The following SASH1 variants were observed in gnomAD, a reference collection of about 807,000 sequenced individuals.
SASH1 encodes SAM and SH3 domain-containing protein 1.
A neutral mutation model predicts 125.2 loss-of-function variants in SASH1; 44 were observed. The observed-to-expected ratio is 0.35, with a 90% CI of 0.28 to 0.45. The LOEUF (loss-of-function observed/expected upper bound fraction) is 0.45. SASH1 is among the 20% of genes least tolerant of loss of function. The probability of loss-of-function intolerance (pLI) is 1.00; values close to 1 mark genes in which losing one functional copy is unlikely to be tolerated. For synonymous variants in SASH1, 639 were observed against 649.1 expected (o/e 0.98, Z 0.24); for missense variants, 1,426 against 1,614.5 (o/e 0.88, Z 2.00).
At chr6:148,489,601 A>G (rs1416686196) in intron 8 of SASH1, among the ~76,000 whole-genome samples, 1 of 152,150 alleles carries the variant, frequency 6.6e-6, no homozygotes, top group Non-Finnish European at 1.5e-5. Context: ...CAATGAACAT[A>G]GGGTATCTTT....
chr6:148,359,412 C>T (rs751130551), intron 1 of SASH1, among the ~76,000 whole-genome samples: 1 of 151,330 alleles, frequency 6.6e-6, no homozygotes, highest in Non-Finnish European at 1.5e-5. Context: ...ATACCGTGCG[C>T]TCATTTTGAG....
chr6:148,449,072 TCATTTC>T (rs1562419982), intron 4 of SASH1, among the ~76,000 whole-genome samples: 124 of 120,620 alleles, frequency 1.0e-3, no homozygotes, highest in Non-Finnish European at 1.7e-3. Context: ...TAATTTCATT[TCATTTC>T]TTTTTTTTTT....
Position 148,544,828 on chromosome 6 carries a change from G to A in SASH1, c.3348+10G>A. ...GCCGTATTCTGATAAGGTATCAAAG[G>A]TCCTGGGCCCACCACGTTCACAGGC... On this transcript the variant is annotated intron_variant, in intron 18 of 19. Transcript: ENST00000367467. The surrounding 1 kb of genome is among the most constrained non-coding windows in gnomAD (Gnocchi z 6.4). The A allele has an allele frequency of 6.4e-7, 1 of 1,562,548 alleles. No individual in the cohort carries two copies. The highest frequency in any genetic ancestry group is 1.4e-5 in the African/African-American group (1 of 73,918).
chr6:148,508,417 C>T (rs1027958460), intron 8 of SASH1: 9 of 960,560 alleles, frequency 9.4e-6, no homozygotes, highest in Non-Finnish European at 1.1e-5. Context: ...CTCAGATTCT[C>T]GCGTTCTTTT....
the SASH1 span, among the ~76,000 whole-genome samples, chr6:148,204,103 G>A: frequency 1.2e-4 from 18 of 152,298 alleles, no homozygotes; most frequent in Admixed American, 1.1e-3. Context: ...TGGCTAATCA[G>A]ACACATGGGG....
intron 8 of SASH1, among the ~76,000 whole-genome samples, chr6:148,488,300 C>T (rs911493418): frequency 1.2e-4 from 19 of 152,238 alleles, no homozygotes; most frequent in African/African-American, 2.7e-4. Context: ...GGTTCATCCA[C>T]GCTGCAGCAT....
the SASH1 span, among the ~76,000 whole-genome samples, chr6:148,243,923 G>A: frequency 1.3e-5 from 2 of 152,202 alleles, no homozygotes; most frequent in Non-Finnish European, 2.9e-5. Context: ...TGTGGGAAGC[G>A]CCTGGCCCAC....
the SASH1 span, among the ~76,000 whole-genome samples, chr6:148,209,968 C>T: frequency 6.6e-6 from 1 of 152,102 alleles, no homozygotes; most frequent in Non-Finnish European, 1.5e-5. Context: ...CCAGAGATAG[C>T]AAAATTAAAC....
chr6:148,330,331 C>G (rs1344124831), intron 1 of SASH1, among the ~76,000 whole-genome samples: 1 of 152,124 alleles, frequency 6.6e-6, no homozygotes, highest in Non-Finnish European at 1.5e-5. Context: ...ACGATGGCAC[C>G]TCAAAGAAGC....
intron 1 of SASH1, among the ~76,000 whole-genome samples, chr6:148,298,967 C>T (rs1779859446): frequency 6.6e-6 from 1 of 152,084 alleles, no homozygotes; most frequent in Admixed American, 6.6e-5. Flanking sequence ...AGCAGAGAGC[C>T]ATTAGGTTAT....
chr6:148,439,961 G>T (rs1776474611), intron 2 of SASH1, among the ~76,000 whole-genome samples: 1 of 151,886 alleles, frequency 6.6e-6, no homozygotes, highest in African/African-American at 2.4e-5. Flanking sequence ...TGTCAGCAGA[G>T]TCTGGCAACA....
At chr6:148,248,711 A>G in the SASH1 span, among the ~76,000 whole-genome samples, 6 of 152,172 alleles carry the variant, frequency 3.9e-5, no homozygotes, top group Admixed American at 2.0e-4. Flanking sequence ...TCCCCCCACA[A>G]GCCTCAGAAG....
Position 148,534,889 on chromosome 6 carries a change from C to T in SASH1, c.2083C>T (p.Gln695Ter). 1 of 1,614,130 alleles carries T rather than the reference C, an allele frequency of 6.2e-7. No individual in the cohort carries two copies. Among genetic ancestry groups the T allele is most frequent in the Non-Finnish European group, 8.5e-7 (1 of 1,179,956 alleles). ...AVLLTAVELL[Q>*]EYDSNSDQSG... ...TCTCTTGACAGCAGTGGAGCTGTTA[C>T]AAGAGTATGACAGTAAGTCCCTGTA... The change falls in exon 16 of 20, where the codon CAA (glutamine) becomes TAA (stop). Residue 695 changes from glutamine (Q) to a stop codon, truncating the protein, a stop_gained. Transcript: ENST00000367467. LOFTEE classifies it high-confidence loss of function.
intron 1 of SASH1, among the ~76,000 whole-genome samples, chr6:148,304,214 G>A (rs978605243): frequency 6.6e-6 from 1 of 152,070 alleles, no homozygotes; most frequent in Non-Finnish European, 1.5e-5. Context: ...CGAGGCGGGC[G>A]GATCACGAGG....
chr6:148,250,990 A>C, the SASH1 span, among the ~76,000 whole-genome samples: 2 of 152,238 alleles, frequency 1.3e-5, no homozygotes, highest in African/African-American at 2.4e-5. Context: ...TATAGATTGC[A>C]TCCTTTATTT....
In SASH1 at chr6:148,428,029, A is replaced by G. The variant is rs905539634; in HGVS notation, c.286-12155A>G. 2.6e-5 allele frequency among the ~76,000 whole-genome samples: 4 copies of G among 152,218 alleles called. No individual in the cohort carries two copies. The East Asian group carries it at 5.8e-4, about 22-fold the overall frequency. On this transcript the variant is annotated intron_variant, in intron 2 of 19. Coordinates refer to ENST00000367467, the MANE Select transcript of SASH1 (RefSeq NM_015278.5). Reference sequence around the variant, plus strand: ...GAAGCCAGAGGAGAAATTTTTACTCAGAGAAAGAGCCATTTTCCTATGGCT... The same window carrying G: ...GAAGCCAGAGGAGAAATTTTTACTCGGAGAAAGAGCCATTTTCCTATGGCT...
At chr6:148,200,278 T>C in the SASH1 span, among the ~76,000 whole-genome samples, 2,769 of 152,342 alleles carry the variant, frequency 0.018, 36 homozygotes, top group East Asian at 0.06. Flanking sequence ...AACCTCATTT[T>C]GTGTCTTTAG....
chr6:148,279,887 T>C (rs377676155), intron 1 of SASH1, among the ~76,000 whole-genome samples: 1 of 151,308 alleles, frequency 6.6e-6, no homozygotes. Context: ...CTTGGGAGGC[T>C]GAGACAGGAG....
intron 1 of SASH1, among the ~76,000 whole-genome samples, chr6:148,307,023 C>CTTTTCTTTCT (rs1780145478): frequency 7.1e-6 from 1 of 140,570 alleles, no homozygotes; most frequent in African/African-American, 2.7e-5. Flanking sequence ...CTTTCTCTTT[C>CTTTTCTTTCT]TTTTCTTTCT....
Sources: gnomAD v4.1 joint callset for allele counts (sites outside exome capture counted in the v4.1 genomes callset) on GRCh38, gnomAD v4.1.1 for gene constraint, Gnocchi (gnomAD v3.1) non-coding constraint, MANE v1.5 for transcripts, NCBI Gene and HGNC (gene_info 2026-07-23, HGNC 2026-07-21) for gene names.